Variants in ELF1 observed in about 807,000 individuals in gnomAD.
The protein encoded by ELF1 is ETS-related transcription factor Elf-1.
Under a neutral mutation model 59.9 loss-of-function variants are expected in ELF1, and 24 were observed. The ratio of observed to expected loss-of-function variants is 0.40; its 90% CI spans 0.29 to 0.56. The LOEUF is 0.56. Ranked by LOEUF, ELF1 falls within the 20% of genes least tolerant of loss-of-function variation. The pLI is 0.44. For missense variants in ELF1, 627 were observed against 742.2 expected (o/e 0.84, Z 1.80); for synonymous variants, 248 against 266.2 (o/e 0.93, Z 0.67).
chr13:41,057,214 C>A (rs1376207276), intron 1 of ELF1, among the ~76,000 whole-genome samples: 1 of 148,138 alleles, frequency 6.8e-6, no homozygotes, highest in Non-Finnish European at 1.5e-5. Context: ...TGGAGTGTAG[C>A]GGCAACATCA....
At chr13:40,957,498 T>C (rs1017211856) in intron 3 of ELF1, among the ~76,000 whole-genome samples, 2 of 149,784 alleles carry the variant, frequency 1.3e-5, no homozygotes, top group African/African-American at 4.9e-5. Flanking sequence ...AAAAAATAAA[T>C]TTGTGCATTT....
At chr13:41,016,016 ACGTTCAG>A (rs932944185) in intron 1 of ELF1, among the ~76,000 whole-genome samples, 4 of 152,156 alleles carry the variant, frequency 2.6e-5, no homozygotes, top group African/African-American at 9.7e-5. Context: ...ATGCTATTCA[ACGTTCAG>A]CATTCATCAT....
At chr13:40,945,657 C>G (rs1413731694) in intron 5 of ELF1, among the ~76,000 whole-genome samples, 1 of 152,130 alleles carries the variant, frequency 6.6e-6, no homozygotes, top group Non-Finnish European at 1.5e-5. Flanking sequence ...TGAATATTGT[C>G]TCTTCCTCAC....
Position 40,982,041 on chromosome 13 carries a change from A to G in ELF1, c.14T>C (p.Val5Ala), listed in dbSNP as rs756035191. The G allele has an allele frequency of 1.2e-6, 2 of 1,612,438 alleles. No individual in the cohort carries two copies. The highest frequency in any genetic ancestry group is 1.7e-6 in the Non-Finnish European group (2 of 1,179,184). Residue 5 changes from valine (V) to alanine (A), a missense_variant, in exon 2 of 9, where the codon GTC becomes GCC. Physicochemically the swap from Val to Ala is moderately conservative, Grantham distance 64 (BLOSUM62 0). Around this residue, in one of 3 missense-constraint regions of ELF1, gnomAD observed 232 missense variants for 269.2 expected, o/e 0.86. Transcript: ENST00000239882. ...TTCAAATACTAGGTCGTTCTGTTGG[A>G]CAACAGCAGCCATAATAAAGCATTC... The part of the protein sequence containing the change: MAAV[V>A]QQNDLVFEFA...
rs9634760 is a variant in ELF1 at position 40,950,029 on chromosome 13, C to T, written c.362-56G>A. On this transcript the variant is annotated intron_variant, in intron 4 of 8. Coordinates refer to ENST00000239882, the MANE Select transcript of ELF1 (RefSeq NM_172373.4). ...CCACTGTGTATTATAAGTTAAAAAA[C>T]GATTGAGAAAATTTCTTGTTTCTAT... 2.4e-3 allele frequency: 3,420 copies of T among 1,401,564 alleles called. 79 individuals carry two copies. The East Asian group carries it at 0.04, about 17-fold the overall frequency. The allele number at this position is 1,401,564 out of a possible 1,614,324, so 86.8% of individuals were successfully genotyped here.
chr13:41,034,892 C>T (rs1876311777), intron 1 of ELF1, among the ~76,000 whole-genome samples: 1 of 151,916 alleles, frequency 6.6e-6, no homozygotes, highest in East Asian at 1.9e-4. Context: ...CCTTATCATG[C>T]CTTACCTCGG....
chr13:40,944,711 A>T (rs955171888), intron 5 of ELF1, among the ~76,000 whole-genome samples: 1 of 152,208 alleles, frequency 6.6e-6, no homozygotes, highest in Non-Finnish European at 1.5e-5. Context: ...GATCATGATC[A>T]TGCTGTCTGA....
rs552916258 is a variant in ELF1 at position 40,969,766 on chromosome 13, C to T, written c.73-10750G>A. Among the ~76,000 whole-genome samples, 6 of 152,280 alleles carry T rather than the reference C, an allele frequency of 3.9e-5. No homozygotes were observed. In the South Asian group the frequency reaches 6.2e-4, roughly 16 times the overall value. On this transcript the variant is annotated intron_variant, in intron 2 of 8. Transcript: ENST00000239882. ...GAGACTCCAGGCTAGAGTGCAGTGG[C>T]ACAATCATGGCTCACTGTAGCCTCT...
chr13:40,945,078 C>G (rs1870422444), intron 5 of ELF1, among the ~76,000 whole-genome samples: 1 of 152,334 alleles, frequency 6.6e-6, no homozygotes. Flanking sequence ...GAGAACCCTT[C>G]ATGAGACAGA....
chr13:41,027,510 T>C (rs1191188477), intron 1 of ELF1, among the ~76,000 whole-genome samples: 1 of 152,144 alleles, frequency 6.6e-6, no homozygotes, highest in East Asian at 1.9e-4. Flanking sequence ...CCCAATCTGC[T>C]AGCAGCAGAG....
chr13:40,936,930 G>T (rs1869824262), intron 8 of ELF1, among the ~76,000 whole-genome samples: 2 of 152,030 alleles, frequency 1.3e-5, no homozygotes, highest in African/African-American at 4.8e-5. Context: ...CTCCAGCCTG[G>T]GCTACAGAGG....
At chr13:41,017,911 T>A (rs548354368) in intron 1 of ELF1, among the ~76,000 whole-genome samples, 1 of 152,308 alleles carries the variant, frequency 6.6e-6, no homozygotes, top group African/African-American at 2.4e-5. Flanking sequence ...ACAAAGATGA[T>A]AGCAAATGGC....
At chr13:41,014,988 C>T (rs1242768190) in intron 1 of ELF1, among the ~76,000 whole-genome samples, 4 of 152,122 alleles carry the variant, frequency 2.6e-5, no homozygotes, top group Admixed American at 2.6e-4. Flanking sequence ...CTTTAAGTCA[C>T]CCCTGCCCTC....
At chr13:40,946,859 T>C (rs545709762) in intron 5 of ELF1, among the ~76,000 whole-genome samples, 1 of 152,168 alleles carries the variant, frequency 6.6e-6, no homozygotes, top group Admixed American at 6.5e-5. Flanking sequence ...AAAAATTAGC[T>C]GGGTATGGTG....
At chr13:40,990,850 C>A (rs76946812) in intron 1 of ELF1, among the ~76,000 whole-genome samples, 2,367 of 105,404 alleles carry the variant, frequency 0.022, no homozygotes, top group Middle Eastern at 0.027. Context: ...GACTCTGTCT[C>A]AAAAAAAAAA....
At chr13:41,022,520 G>A (rs9525443), upstream of ELF1, among the ~76,000 whole-genome samples, 37,916 of 152,056 alleles carry the variant, frequency 0.25, 5,101 homozygotes, top group South Asian at 0.4. Flanking sequence ...AATTCATAGA[G>A]CTATAAAACT....
In ELF1 at chr13:41,060,914, T is replaced by TGCC. The variant is rs60249003; in HGVS notation, c.-308_-306dup. ...GCCTCTGCGCTACTGAAGCTGCTGC[T>TGCC]GCCGCCGCCGCCGCCGCCGCCGCCG... On this transcript the variant is annotated 5_prime_UTR_variant, in exon 1 of 2. Coordinates refer to the ELF1 transcript ENST00000405737. The TGCC allele has an allele frequency of 5.2e-3, 1,797 of 344,810 alleles. 320 individuals are homozygous for TGCC. Among genetic ancestry groups the TGCC allele is most frequent in the East Asian group, 7.5e-3 (91 of 12,072 alleles). The allele number at this position is 344,810 out of a possible 1,614,324, so 21.4% of individuals were successfully genotyped here.
chr13:41,016,424 T>C (rs1875364621), intron 1 of ELF1, among the ~76,000 whole-genome samples: 1 of 152,118 alleles, frequency 6.6e-6, no homozygotes. Context: ...ATTCTCTTAT[T>C]TCAAAGGAGG....
chr13:41,052,280 T>C (rs1877119841), intron 1 of ELF1, among the ~76,000 whole-genome samples: 1 of 152,152 alleles, frequency 6.6e-6, no homozygotes, highest in Non-Finnish European at 1.5e-5. Flanking sequence ...AGTATTTAAA[T>C]TTGTGAAATG....
Sources: allele counts gnomAD v4.1 joint callset (sites outside exome capture counted in the v4.1 genomes callset), GRCh38; gene constraint gnomAD v4.1.1; regional missense constraint gnomAD v4.1.1; transcripts MANE v1.5; gene names NCBI Gene and HGNC (gene_info 2026-07-23, HGNC 2026-07-21).